Variants in NEK10 observed in about 807,000 individuals in gnomAD.
NEK10 encodes the protein serine/threonine-protein kinase Nek10.
A neutral mutation model predicts 159.8 loss-of-function variants in NEK10; 122 were observed. That is an observed-to-expected ratio of 0.76 (90% CI 0.66 to 0.89). NEK10 has a LOEUF of 0.89. Among genes scored for constraint, NEK10 ranks in the 40% least tolerant of loss-of-function variants. The pLI is 0.00. For missense variants in NEK10, 1,342 were observed against 1,323.1 expected (o/e 1.01, Z -0.22); for synonymous variants, 466 against 457.1 (o/e 1.02, Z -0.25).
chr3:27,199,866 C>T (rs1949896881), intron 25 of NEK10, among the ~76,000 whole-genome samples: 1 of 152,060 alleles, frequency 6.6e-6, no homozygotes, highest in African/African-American at 2.4e-5. Context: ...GAACAGAAAA[C>T]CAAATACTAC....
chr3:27,241,353 G>A (rs1954544255), intron 23 of NEK10, among the ~76,000 whole-genome samples: 1 of 152,064 alleles, frequency 6.6e-6, no homozygotes, highest in African/African-American at 2.4e-5. Context: ...TACTTCTTGC[G>A]AGCACACTGG....
rs769439094 is a variant in NEK10 at position 27,287,743 on chromosome 3, G to C, written c.1744C>G (p.Leu582Val). ...VSELTIIKEQ[L>V]YHPNIVRYYK... ...TAACGTACAATGTTGGGATGATAAA[G>C]CTATAAGAAAATAAATAACAAACAT... Residue 582 changes from leucine to valine, a missense_variant and splice_region_variant, in exon 20 of 36, where the codon CTT becomes GTT. Physicochemically the swap from Leu to Val is conservative, Grantham distance 32. Transcript: ENST00000691995. The C allele has an allele frequency of 3.9e-6, 6 of 1,555,916 alleles. No homozygotes were observed.
At chr3:27,243,319 G>A (rs1464623572) in intron 23 of NEK10, among the ~76,000 whole-genome samples, 1 of 152,104 alleles carries the variant, frequency 6.6e-6, no homozygotes. Flanking sequence ...TATATGACTG[G>A]TAAGGTCACT....
chr3:27,215,891 C>G (rs182037410), intron 23 of NEK10: 3 of 701,226 alleles, frequency 4.3e-6, no homozygotes, highest in Non-Finnish European at 8.0e-6. Context: ...CTTTAAACAA[C>G]CAGATCACAC....
intron 5 of NEK10, among the ~76,000 whole-genome samples, chr3:27,328,929 GA>G (rs1262790308): frequency 5.3e-5 from 8 of 152,290 alleles, no homozygotes; most frequent in African/African-American, 1.9e-4. Context: ...GATGCTTAAA[GA>G]AGGAAGAGCC....
chr3:27,207,800 T>C lies in NEK10; in HGVS notation c.2091-5243A>G, dbSNP rs117283859. Among the ~76,000 whole-genome samples, 148 of 152,256 alleles carry C rather than the reference T, an allele frequency of 9.7e-4. 4 individuals carry two copies. In the East Asian group the frequency reaches 0.02, roughly 20 times the overall value. On this transcript the variant is annotated intron_variant, in intron 23 of 35. Coordinates refer to ENST00000691995, the MANE Select transcript of NEK10 (RefSeq NM_001394966.1). ...TATCACTGTTACTGAAAAAAGAACA[T>C]AAACCTTCTGTCTGAAGGTTTAAGA...
At chr3:27,244,478 A>G (rs1212721690) in intron 23 of NEK10, among the ~76,000 whole-genome samples, 2 of 152,178 alleles carry the variant, frequency 1.3e-5, no homozygotes, top group African/African-American at 4.8e-5. Context: ...CTTTAAAGTG[A>G]GCACAATATT....
At chr3:27,274,788 A>T (rs1462825746) in intron 22 of NEK10, among the ~76,000 whole-genome samples, 1 of 152,116 alleles carries the variant, frequency 6.6e-6, no homozygotes, top group East Asian at 1.9e-4. Flanking sequence ...AATGCTGATG[A>T]CATAATCAGA....
At chr3:27,217,536 A>G (rs1261395304) in intron 23 of NEK10, among the ~76,000 whole-genome samples, 1 of 152,136 alleles carries the variant, frequency 6.6e-6, no homozygotes, top group Non-Finnish European at 1.5e-5. Context: ...ATCCGCCCCC[A>G]TGACCCAATC....
At chr3:27,201,027 T>C (rs1008821749) in intron 25 of NEK10, among the ~76,000 whole-genome samples, 5 of 152,206 alleles carry the variant, frequency 3.3e-5, no homozygotes, top group Non-Finnish European at 5.9e-5. Flanking sequence ...AAACTCCTGC[T>C]ATAGTGATAG....
At chr3:27,276,898 C>T (rs978949692) in intron 22 of NEK10, among the ~76,000 whole-genome samples, 2 of 152,136 alleles carry the variant, frequency 1.3e-5, no homozygotes, top group Non-Finnish European at 2.9e-5. Context: ...AACCATCAAC[C>T]AAATCCTCTC....
intron 7 of NEK10, among the ~76,000 whole-genome samples, chr3:27,312,973 A>G (rs780175236): frequency 4.6e-5 from 7 of 152,160 alleles, no homozygotes; most frequent in African/African-American, 1.7e-4. Flanking sequence ...TATTATGAAA[A>G]TCATTCTTTC....
chr3:27,367,010 A>T (rs1007747872), intron 1 of NEK10, among the ~76,000 whole-genome samples: 1 of 151,926 alleles, frequency 6.6e-6, no homozygotes, highest in Non-Finnish European at 1.5e-5. Flanking sequence ...GGGTTTCACC[A>T]TGTGGGCCAG....
chr3:27,217,242 A>G (rs13085421), intron 23 of NEK10, among the ~76,000 whole-genome samples: 35,880 of 152,108 alleles, frequency 0.24, 4,587 homozygotes, highest in Middle Eastern at 0.39. Flanking sequence ...TTACAAAACA[A>G]AGAAGAAAAT....
rs1158467867 is a variant in NEK10 at position 27,110,301 on chromosome 3, C to G, written c.*971G>C. Reference sequence around the variant, plus strand: ...TTCTCCCGGCATAAAGGATGATACACAGTTTGGCATTCTGATTTCACTTCC... The same window carrying G: ...TTCTCCCGGCATAAAGGATGATACAGAGTTTGGCATTCTGATTTCACTTCC... On this transcript the variant is annotated 3_prime_UTR_variant, in exon 36 of 36. Transcript: ENST00000691995. 6.6e-6 allele frequency: 1 copy of G among 152,134 alleles called. No homozygotes were observed. The highest frequency in any genetic ancestry group is 1.5e-5 in the Non-Finnish European group (1 of 68,046). The allele number at this position is 152,134 out of a possible 1,614,324, so 9.4% of individuals were successfully genotyped here.
intron 35 of NEK10, among the ~76,000 whole-genome samples, chr3:27,111,665 T>C (rs1939558913): frequency 6.8e-6 from 1 of 146,132 alleles, no homozygotes; most frequent in African/African-American, 2.8e-5. Context: ...CAATTCAAGT[T>C]GATTCAATGT....
chr3:27,160,463 T>C (rs921640838), intron 30 of NEK10, among the ~76,000 whole-genome samples: 4 of 152,200 alleles, frequency 2.6e-5, no homozygotes, highest in African/African-American at 7.2e-5. Context: ...AACCTTCATA[T>C]GAAGGTTGAG....
At chr3:27,245,696 T>C (rs1954990095) in intron 23 of NEK10, among the ~76,000 whole-genome samples, 1 of 152,216 alleles carries the variant, frequency 6.6e-6, no homozygotes. Context: ...GGATGGATTG[T>C]TATGCATCCA....
chr3:27,141,793 A>G (rs1426459107), intron 30 of NEK10, among the ~76,000 whole-genome samples: 2 of 152,174 alleles, frequency 1.3e-5, no homozygotes, highest in African/African-American at 4.8e-5. Context: ...TAACACAATG[A>G]TATTATCTAT....
Sources: allele counts gnomAD v4.1 joint callset (sites outside exome capture counted in the v4.1 genomes callset), GRCh38; gene constraint gnomAD v4.1.1; transcripts MANE v1.5; gene names NCBI Gene and HGNC (gene_info 2026-07-23, HGNC 2026-07-21).